The following PLXNB2 variants were observed in gnomAD, a reference collection of about 807,000 sequenced individuals.
PLXNB2 encodes the protein plexin-B2.
PLXNB2 carries 85 observed loss-of-function variants against 202.6 expected under a neutral mutation model. That is an observed-to-expected ratio of 0.42 (90% CI 0.35 to 0.50). The LOEUF (loss-of-function observed/expected upper bound fraction) is 0.50, where lower values mean the gene tolerates loss of function less well. Among genes scored for constraint, PLXNB2 ranks in the 20% least tolerant of loss-of-function variants. The pLI, the probability that PLXNB2 is intolerant of heterozygous loss-of-function variation, is 0.02. For synonymous variants in PLXNB2, 1,239 were observed against 1,137.6 expected (o/e 1.09, Z -1.79); for missense variants, 2,063 against 2,586.2 (o/e 0.80, Z 4.39).
At chr22:50,300,362 C>G in intron 1 of PLXNB2, 1 of 979,842 alleles carries the variant, frequency 1.0e-6, no homozygotes, top group East Asian at 1.1e-4. Context: ...AGCTCCGCCC[C>G]GCCGATGGTG....
chr22:50,294,663 C>T, intron 2 of PLXNB2, 56 bp downstream of exon 2: 1 of 793,306 alleles, frequency 1.3e-6, no homozygotes. Context: ...ATACCTCCGG[C>T]CTCCCTGTCC....
chr22:50,290,694 G>A (rs2066806719), intron 2 of PLXNB2, 97 bp from the exon 3 acceptor site: 17 of 1,306,858 alleles, frequency 1.3e-5, no homozygotes, highest in East Asian at 2.5e-5. Flanking sequence ...ACATGGGAGA[G>A]AGGGTCACGC....
intron 1 of PLXNB2, among the ~76,000 whole-genome samples, chr22:50,296,211 C>CACACAT (rs1254773293): frequency 1.3e-5 from 2 of 148,564 alleles, no homozygotes; most frequent in African/African-American, 5.2e-5. Flanking sequence ...CACACACACA[C>CACACAT]ACACACACAC....
intron 1 of PLXNB2, among the ~76,000 whole-genome samples, chr22:50,299,078 G>C (rs1468651131): frequency 6.6e-6 from 1 of 152,248 alleles, no homozygotes; most frequent in Non-Finnish European, 1.5e-5. Flanking sequence ...AGAGAGGGCA[G>C]GGGCCAGAGG....
At chr22:50,290,630 G>T in intron 2 of PLXNB2, 33 bp from the exon 3 acceptor site, 1 of 1,502,538 alleles carries the variant, frequency 6.7e-7, no homozygotes, top group South Asian at 1.3e-5. Context: ...GGGGAGCCCC[G>T]ACCCAGAGGA....
chr22:50,278,310 T>TG, intron 30 of PLXNB2, 39 bp from the exon 31 acceptor site: 2 of 1,602,390 alleles, frequency 1.2e-6, no homozygotes, highest in Non-Finnish European at 1.7e-6. Flanking sequence ...TACCCAGGTC[T>TG]GGGGGCCTGG....
At position 50,276,662 on chromosome 22, in the gene PLXNB2, C is replaced by T; in HGVS notation, c.5304G>A (p.Gln1768=). 6.2e-7 allele frequency: 1 copy of T among 1,613,842 alleles called. No individual in the cohort carries two copies. Among genetic ancestry groups the T allele is most frequent in the Non-Finnish European group, 8.5e-7 (1 of 1,179,886 alleles). ...GIRQMVQVSD[Q]DMNTHLAEIS... Reference sequence around the variant, plus strand: ...TCTCTGCCAGGTGTGTGTTCATGTCCTGGTCGCTGACCTGCACCATCTGCC... The same window carrying T: ...TCTCTGCCAGGTGTGTGTTCATGTCTTGGTCGCTGACCTGCACCATCTGCC... Residue 1768 remains glutamine, a synonymous_variant, in exon 35 of 37, where the codon CAG becomes CAA. Coordinates refer to ENST00000359337, the MANE Select transcript of PLXNB2 (RefSeq NM_012401.4).
Position 50,284,042 on chromosome 22 carries a change from C to A in PLXNB2, c.2264-52G>T. 1 of 1,523,090 alleles carries A rather than the reference C, an allele frequency of 6.6e-7. No homozygotes were observed. The highest frequency in any genetic ancestry group is 8.8e-7 in the Non-Finnish European group (1 of 1,138,242). The allele number at this position is 1,523,090 out of a possible 1,614,324, so 94.3% of individuals were successfully genotyped here. Reference sequence around the variant, plus strand: ...CACCCCGTGCCTGCCCGCCCCCGACCTGCTCCCCACTGCGCCCACCTGTCC... The same window carrying A: ...CACCCCGTGCCTGCCCGCCCCCGACATGCTCCCCACTGCGCCCACCTGTCC... On this transcript the variant is annotated intron_variant, in intron 13 of 36. Coordinates refer to ENST00000359337, the MANE Select transcript of PLXNB2 (RefSeq NM_012401.4). The surrounding 1 kb of genome is among the most constrained non-coding windows in gnomAD (Gnocchi z 8.0).
At position 50,287,963 on chromosome 22, in the gene PLXNB2, G is replaced by A. The variant is rs1314497272; in HGVS notation, c.1455C>T (p.Tyr485=). 4 of 1,586,906 alleles carry A rather than the reference G, an allele frequency of 2.5e-6. No individual in the cohort carries two copies. The highest frequency in any genetic ancestry group is 2.6e-6 in the Non-Finnish European group (3 of 1,167,558). The change falls in exon 6 of 37, where the codon TAC becomes TAT. Residue 485 remains tyrosine, a synonymous_variant. Coordinates refer to ENST00000359337, the MANE Select transcript of PLXNB2 (RefSeq NM_012401.4). ...CTQCRDSQDP[Y]CGWCVVEGRC... ...GTCCCTCGACGACGCACCAGCCGCA[G>A]TAGGGGTCCTGGGAGTCGCGGCACT...
At position 50,276,719 on chromosome 22, in the gene PLXNB2, G is replaced by A; in HGVS notation, c.5262-15C>T. ...CCTTGTAGTAACTGCAGGGGTGGGA[G>A]CATCATACAGTGTGGGCGGCAGGGA... is the stretch of plus-strand genomic sequence containing the variant. On this transcript the variant is annotated splice_polypyrimidine_tract_variant and intron_variant, in intron 34 of 36. Transcript: ENST00000359337. 6.2e-7 allele frequency: 1 copy of A among 1,612,474 alleles called. No homozygotes were observed. Among genetic ancestry groups the A allele is most frequent in the Non-Finnish European group, 8.5e-7 (1 of 1,178,768 alleles).
chr22:50,290,124 A>G lies in PLXNB2; in HGVS notation c.461T>C (p.Val154Ala), dbSNP rs1281599374. 1.9e-6 allele frequency: 3 copies of G among 1,612,994 alleles called. No individual in the cohort carries two copies. Among genetic ancestry groups the G allele is most frequent in the East Asian group, 2.2e-5 (1 of 44,900 alleles). ...AGGACCCGTGGAGCTCACCAGCCCC[A>G]CTGTGGCCACGCCCTCATCATTGCT... ...VASNDEGVAT[V>A]GLVSSTGPGG... Residue 154 changes from valine to alanine, a missense_variant, in exon 3 of 37, where the codon GTG (valine) becomes GCG (alanine). Around this residue, in one of 2 missense-constraint regions of PLXNB2, gnomAD observed 1,303 missense variants for 1,476.8 expected, o/e 0.88. Coordinates refer to ENST00000359337, the MANE Select transcript of PLXNB2 (RefSeq NM_012401.4).
At chr22:50,277,207 G>A (rs1253226340) in intron 33 of PLXNB2, among the ~76,000 whole-genome samples, 6 of 152,152 alleles carry the variant, frequency 3.9e-5, no homozygotes, top group East Asian at 1.9e-4. Flanking sequence ...AGGCAGCGGC[G>A]GGAAAATCGC....
Position 50,287,276 on chromosome 22 carries a change from G to A in PLXNB2, c.1609-12C>T. The A allele has an allele frequency of 6.7e-7, 1 of 1,483,092 alleles. No individual in the cohort carries two copies. Among genetic ancestry groups the A allele is most frequent in the Non-Finnish European group, 9.0e-7 (1 of 1,110,992 alleles). The allele number at this position is 1,483,092 out of a possible 1,614,324, so 91.9% of individuals were successfully genotyped here. ...ACGGTCAGCTGCACCTGAGGGAGGGGCCGTGCCGCTCACACTGGGAACCCC... is the reference window on the plus strand; with the variant it reads ...ACGGTCAGCTGCACCTGAGGGAGGGACCGTGCCGCTCACACTGGGAACCCC... On this transcript the variant is annotated splice_polypyrimidine_tract_variant and intron_variant, in intron 7 of 36. Coordinates refer to ENST00000359337, the MANE Select transcript of PLXNB2 (RefSeq NM_012401.4).
chr22:50,306,300 T>C (rs1012964876), intron 1 of PLXNB2, among the ~76,000 whole-genome samples: 1 of 152,232 alleles, frequency 6.6e-6, no homozygotes, highest in East Asian at 1.9e-4. Context: ...CAGGCCCACC[T>C]GCTTGCTTCT....
intron 16 of PLXNB2, 63 bp downstream of exon 16, chr22:50,283,274 G>A: frequency 6.2e-7 from 1 of 1,606,132 alleles, no homozygotes; most frequent in Non-Finnish European, 8.5e-7. Context: ...TGGGGAGGCG[G>A]CGGGCAGAGC....
intron 2 of PLXNB2, among the ~76,000 whole-genome samples, chr22:50,293,437 G>A (rs961172783): frequency 2.0e-5 from 3 of 152,174 alleles, no homozygotes; most frequent in Non-Finnish European, 2.9e-5. Flanking sequence ...ACCCAGTGGC[G>A]CCAGCGGGGG....
chr22:50,283,019 A>G, intron 17 of PLXNB2, 31 bp downstream of exon 17: 1 of 1,593,900 alleles, frequency 6.3e-7, no homozygotes, highest in Non-Finnish European at 8.6e-7. Context: ...GCCAGGGCCA[A>G]CCAGACTCAG....
intron 1 of PLXNB2, among the ~76,000 whole-genome samples, chr22:50,306,388 C>T (rs1378486302): frequency 6.6e-6 from 1 of 152,210 alleles, no homozygotes; most frequent in African/African-American, 2.4e-5. Context: ...CCCTGCCCTC[C>T]GGGAGACCCT....
chr22:50,283,277 G>A, intron 16 of PLXNB2, 60 bp downstream of exon 16: 1 of 1,606,236 alleles, frequency 6.2e-7, no homozygotes, highest in South Asian at 1.1e-5. Flanking sequence ...GGAGGCGGCG[G>A]GCAGAGCCCC....
Sources: allele counts gnomAD v4.1 joint callset (sites outside exome capture counted in the v4.1 genomes callset), GRCh38; gene constraint gnomAD v4.1.1; regional missense constraint gnomAD v4.1.1; non-coding constraint Gnocchi (gnomAD v3.1); transcripts MANE v1.5; gene names NCBI Gene and HGNC (gene_info 2026-07-23, HGNC 2026-07-21).